ADCY2: variants seen among roughly 807,000 people sequenced by gnomAD.
ADCY2 encodes adenylate cyclase 2, also known as adenylate cyclase type 2.
In ADCY2, 31 loss-of-function variants were observed where a neutral mutation model predicts 125.2. That is an observed-to-expected ratio of 0.25 (90% CI 0.19 to 0.33). ADCY2 has a LOEUF of 0.33. Among genes scored for constraint, ADCY2 ranks in the 10% least tolerant of loss-of-function variants. The pLI is 1.00. For synonymous variants in ADCY2, 512 were observed against 548.4 expected (o/e 0.93, Z 0.93); for missense variants, 904 against 1,418.2 (o/e 0.64, Z 5.82).
At chr5:7,702,929 G>A (rs1427851154) in intron 7 of ADCY2, among the ~76,000 whole-genome samples, 1 of 152,232 alleles carries the variant, frequency 6.6e-6, no homozygotes, top group Admixed American at 6.5e-5. Context: ...TCTGACTGGT[G>A]TGAGTTGGTA....
chr5:7,609,342 AG>A, intron 3 of ADCY2, among the ~76,000 whole-genome samples: 1 of 152,250 alleles, frequency 6.6e-6, no homozygotes, highest in Non-Finnish European at 1.5e-5. Context: ...TAAGCCCATA[AG>A]GGCAGGGCTT....
chr5:7,723,279 T>C (rs1741822445), intron 12 of ADCY2, among the ~76,000 whole-genome samples: 1 of 152,182 alleles, frequency 6.6e-6, no homozygotes, highest in African/African-American at 2.4e-5. Context: ...AATCCTGCAC[T>C]AAATAAAAAT....
At chr5:7,543,966 A>G (rs367653194) in intron 3 of ADCY2, among the ~76,000 whole-genome samples, 12 of 145,174 alleles carry the variant, frequency 8.3e-5, no homozygotes, top group African/African-American at 2.3e-4. Context: ...GTGAGCCAGG[A>G]TAGCACCACT....
intron 3 of ADCY2, among the ~76,000 whole-genome samples, chr5:7,547,450 G>A (rs1402690867): frequency 1.2e-4 from 18 of 152,176 alleles, no homozygotes; most frequent in Non-Finnish European, 5.9e-5. Context: ...TATGGGTCTC[G>A]CATCCTGTCT....
At chr5:7,722,953 T>C (rs1369427637) in intron 12 of ADCY2, among the ~76,000 whole-genome samples, 5 of 64,470 alleles carry the variant, frequency 7.8e-5, no homozygotes, top group African/African-American at 3.5e-4. Flanking sequence ...AGAGCGAAAC[T>C]CCATCTCAAA....
Position 7,690,816 on chromosome 5 carries a change from T to C in ADCY2, c.846T>C (p.Tyr282=), listed in dbSNP as rs1740679721. The change falls in exon 5 of 25, where the codon TAT becomes TAC. Residue 282 remains tyrosine (Y), a synonymous_variant. Transcript: ENST00000338316. Reference sequence around the variant, plus strand: ...ACACAAATAACTTCCACAACCTGTATGTGAAGCGGCATACAAACGTGAGGT... The same window carrying C: ...ACACAAATAACTTCCACAACCTGTACGTGAAGCGGCATACAAACGTGAGGT... ...MENTNNFHNL[Y]VKRHTNVSIL... 3 of 1,599,658 alleles carry C rather than the reference T, an allele frequency of 1.9e-6. No homozygotes were observed. Among genetic ancestry groups the C allele is most frequent in the Non-Finnish European group, 2.6e-6 (3 of 1,174,234 alleles).
At chr5:7,660,048 AGGGGCCAT>A (rs754563421) in intron 4 of ADCY2, among the ~76,000 whole-genome samples, 3 of 152,172 alleles carry the variant, frequency 2.0e-5, no homozygotes, top group Admixed American at 6.6e-5. Context: ...AGAAGGTGGG[AGGGGCCAT>A]GGGTTGGAAG....
chr5:7,516,087 A>G (rs1744243939), intron 2 of ADCY2, among the ~76,000 whole-genome samples: 1 of 151,886 alleles, frequency 6.6e-6, no homozygotes, highest in African/African-American at 2.4e-5. Context: ...GCAAGGAAGA[A>G]CTGAAGGAGC....
chr5:7,682,178 G>T (rs112370337), intron 4 of ADCY2, among the ~76,000 whole-genome samples: 2 of 152,322 alleles, frequency 1.3e-5, no homozygotes, highest in South Asian at 2.1e-4. Context: ...TATGGGAAGT[G>T]GTTGATAAAT....
In ADCY2 at chr5:7,414,714, G is replaced by T. The variant is rs1739868942; in HGVS notation, c.352G>T (p.Val118Phe). 3.7e-6 allele frequency: 6 copies of T among 1,613,826 alleles called. No individual in the cohort carries two copies. The highest frequency in any genetic ancestry group is 5.1e-6 in the Non-Finnish European group (6 of 1,179,958). The change falls in exon 2 of 25, where the codon GTT becomes TTT. Residue 118 changes from valine to phenylalanine, a missense_variant. Around this residue, in one of 7 missense-constraint regions of ADCY2, gnomAD observed 121 missense variants for 161.5 expected, o/e 0.75. Transcript: ENST00000338316. ...CTCGTTGGTGATATGGATATGCCTTGTTGCCATGGGATACCTGTTCATGTG... is the reference window on the plus strand; with the variant it reads ...CTCGTTGGTGATATGGATATGCCTTTTTGCCATGGGATACCTGTTCATGTG... ...LFSLVIWICL[V>F]AMGYLFMCFG...
At chr5:7,531,341 T>C (rs184683892) in intron 3 of ADCY2, among the ~76,000 whole-genome samples, 1 of 152,266 alleles carries the variant, frequency 6.6e-6, no homozygotes, top group African/African-American at 2.4e-5. Context: ...CCGACCATGC[T>C]ACATCTAAGT....
chr5:7,644,648 G>T (rs527852542), intron 4 of ADCY2, among the ~76,000 whole-genome samples: 1 of 151,778 alleles, frequency 6.6e-6, no homozygotes, highest in Non-Finnish European at 1.5e-5. Context: ...GCCATTCTTC[G>T]GTCACCCTCT....
intron 2 of ADCY2, among the ~76,000 whole-genome samples, chr5:7,435,815 T>G (rs554547699): frequency 6.6e-6 from 1 of 152,284 alleles, no homozygotes; most frequent in Admixed American, 6.5e-5. Flanking sequence ...ACTTGGGCAT[T>G]TATAGCTGTT....
intron 1 of ADCY2, among the ~76,000 whole-genome samples, chr5:7,413,855 A>C (rs949187988): frequency 6.6e-6 from 1 of 151,986 alleles, no homozygotes; most frequent in South Asian, 2.1e-4. Context: ...AGAGATAAAT[A>C]AAAAAAAATT....
At chr5:7,735,271 C>T (rs1742215675) in intron 14 of ADCY2, among the ~76,000 whole-genome samples, 1 of 152,204 alleles carries the variant, frequency 6.6e-6, no homozygotes. Context: ...ATATCACCTA[C>T]AAATTAAGAT....
At chr5:7,765,098 T>G (rs1743339080) in intron 16 of ADCY2, among the ~76,000 whole-genome samples, 1 of 152,210 alleles carries the variant, frequency 6.6e-6, no homozygotes, top group African/African-American at 2.4e-5. Context: ...GACACATTTT[T>G]CACAAAGTAA....
At chr5:7,666,171 C>T (rs559615522) in intron 4 of ADCY2, among the ~76,000 whole-genome samples, 1 of 151,716 alleles carries the variant, frequency 6.6e-6, no homozygotes, top group Admixed American at 6.6e-5. Flanking sequence ...AGTCTTTAAT[C>T]ACTTTGTCTA....
chr5:7,822,015 G>A (rs377748756), intron 24 of ADCY2, among the ~76,000 whole-genome samples: 8 of 152,128 alleles, frequency 5.3e-5, no homozygotes, highest in South Asian at 2.1e-4. Flanking sequence ...CAGCATTAAC[G>A]GAGAAAAGTG....
At chr5:7,466,285 A>G (rs1742114159) in intron 2 of ADCY2, among the ~76,000 whole-genome samples, 1 of 152,078 alleles carries the variant, frequency 6.6e-6, no homozygotes, top group South Asian at 2.1e-4. Flanking sequence ...CCTGTGGAAT[A>G]TTATTTTTAT....
Sources: gnomAD v4.1 joint callset for allele counts (sites outside exome capture counted in the v4.1 genomes callset) on GRCh38, gnomAD v4.1.1 for gene constraint, gnomAD v4.1.1 regional missense constraint, MANE v1.5 for transcripts, NCBI Gene and HGNC (gene_info 2026-07-23, HGNC 2026-07-21) for gene names.